The following STAM variants were observed in gnomAD, a reference collection of about 807,000 sequenced individuals.
STAM encodes signal transducing adaptor molecule, also known as signal transducing adapter molecule 1.
Under a neutral mutation model 63.4 loss-of-function variants are expected in STAM, and 16 were observed. That is an observed-to-expected ratio of 0.25 (90% CI 0.17 to 0.38). The LOEUF is 0.38. Among genes scored for constraint, STAM ranks in the 10% least tolerant of loss-of-function variants. STAM has a pLI of 1.00. For missense variants in STAM, 636 were observed against 657.1 expected, an observed-to-expected ratio of 0.97 and a Z score of 0.35; for synonymous variants, 238 against 223.9, an observed-to-expected ratio of 1.06 and a Z score of -0.56.
At chr10:17,710,765 A>C (rs782322580) in intron 13 of STAM, among the ~76,000 whole-genome samples, 2 of 152,240 alleles carry the variant, frequency 1.3e-5, no homozygotes, top group Non-Finnish European at 2.9e-5. Flanking sequence ...GGAACTCAGT[A>C]AATATTTTAT....
At chr10:17,691,916 C>T (rs1482477295) in intron 5 of STAM, among the ~76,000 whole-genome samples, 1 of 152,196 alleles carries the variant, frequency 6.6e-6, no homozygotes, top group Non-Finnish European at 1.5e-5. Context: ...AACTTTGCAT[C>T]TGTAGAGGTC....
At position 17,715,328 on chromosome 10, in the gene STAM, T is replaced by C. The variant is rs1589125560; in HGVS notation, c.*548T>C. 9.2e-5 allele frequency: 15 copies of C among 162,768 alleles called. No individual in the cohort carries two copies. In the South Asian group the frequency reaches 2.1e-3, roughly 23 times the overall value. 10.1% of individuals were successfully genotyped at this position (162,768 alleles called of 1,614,324 possible). ...AGCGTATTTACATGAAGGCGCATTA[T>C]GTTGTCGTGTGTTTCAGTTTCACAT... On this transcript the variant is annotated 3_prime_UTR_variant, in exon 14 of 14. Transcript: ENST00000377524.
intron 2 of STAM, among the ~76,000 whole-genome samples, chr10:17,665,422 A>T (rs1341492494): frequency 6.6e-6 from 1 of 152,134 alleles, no homozygotes; most frequent in African/African-American, 2.4e-5. Context: ...CCACTTACGT[A>T]AATTTTGTAT....
At chr10:17,683,493 T>G (rs1329496469) in intron 2 of STAM, among the ~76,000 whole-genome samples, 1 of 152,284 alleles carries the variant, frequency 6.6e-6, no homozygotes, top group Middle Eastern at 3.4e-3. Flanking sequence ...TTAAAAATAT[T>G]TGTAGTGGTG....
chr10:17,670,149 A>G (rs782755618), intron 2 of STAM, among the ~76,000 whole-genome samples: 40 of 152,188 alleles, frequency 2.6e-4, no homozygotes, highest in Admixed American at 1.3e-4. Context: ...ATAACAACAG[A>G]AGTCAAGTTG....
In STAM at chr10:17,648,947, T is replaced by G. The variant is rs139931071; in HGVS notation, c.40+4568T>G. Among the ~76,000 whole-genome samples, 1,337 of 152,314 alleles carry G rather than the reference T, an allele frequency of 8.8e-3. 8 individuals are homozygous for G. Among genetic ancestry groups the G allele is most frequent in the Non-Finnish European group, 0.016 (1,069 of 68,026 alleles). On this transcript the variant is annotated intron_variant, in intron 1 of 13. Transcript: ENST00000377524. Reference sequence around the variant, plus strand: ...TCTTGAATTCCAGGCTTCTTAAATCTGAACGCTCCAAGCTCATTCCTGCCT... The same window carrying G: ...TCTTGAATTCCAGGCTTCTTAAATCGGAACGCTCCAAGCTCATTCCTGCCT...
chr10:17,693,385 A>G, intron 6 of STAM, 73 bp downstream of exon 6: 1 of 1,283,230 alleles, frequency 7.8e-7, no homozygotes, highest in South Asian at 1.4e-5. Flanking sequence ...TAAAGGTAAA[A>G]TAAATAGAAC....
chr10:17,696,519 C>CT, intron 7 of STAM: 1 of 351,624 alleles, frequency 2.8e-6, no homozygotes, highest in Non-Finnish European at 5.1e-6. Context: ...ATTGGTGCCT[C>CT]TTTTTTTGGG....
intron 12 of STAM, among the ~76,000 whole-genome samples, chr10:17,707,972 G>C (rs1836373162): frequency 6.6e-6 from 1 of 151,766 alleles, no homozygotes; most frequent in Non-Finnish European, 1.5e-5. Flanking sequence ...CTCGCTGCCA[G>C]CTCCGCCTCC....
At chr10:17,679,757 T>C (rs1554825058) in intron 2 of STAM, among the ~76,000 whole-genome samples, 2 of 138,544 alleles carry the variant, frequency 1.4e-5, no homozygotes, top group African/African-American at 5.0e-5. Flanking sequence ...GTCAGTTTCT[T>C]TTCTTTTTTC....
chr10:17,714,642 C>T lies in STAM; in HGVS notation c.1485C>T (p.Val495=), dbSNP rs1554830564. Residue 495 remains valine, a synonymous_variant, in exon 14 of 14, where the codon GTC becomes GTT. Coordinates refer to ENST00000377524, the MANE Select transcript of STAM (RefSeq NM_003473.4). ...CTGCTGCTGCTGCAACTGCCGATGT[C>T]ACTCTGTACCAGAATGCAGGACCTA... ...AATAAAATAD[V]TLYQNAGPNM... The T allele has an allele frequency of 7.4e-6, 12 of 1,614,166 alleles. No individual in the cohort carries two copies. The highest frequency in any genetic ancestry group is 1.0e-5 in the Non-Finnish European group (12 of 1,180,040).
At chr10:17,669,778 A>C (rs1589048374) in intron 2 of STAM, among the ~76,000 whole-genome samples, 1 of 150,016 alleles carries the variant, frequency 6.7e-6, no homozygotes, top group African/African-American at 2.4e-5. Flanking sequence ...GCTCACCGCA[A>C]ATGCCGCCTC....
chr10:17,714,317 C>T (rs1836703156), intron 13 of STAM, among the ~76,000 whole-genome samples: 1 of 152,032 alleles, frequency 6.6e-6, no homozygotes, highest in South Asian at 2.1e-4. Flanking sequence ...AAACCACCCC[C>T]CCCAACTTTT....
chr10:17,715,756 TAC>T lies in STAM; in HGVS notation c.*979_*980del, dbSNP rs1205537934. ...TTTAAACTGGAAAGAAAACCTGAAT[TAC>T]ACTACATTTTCGAAGTCTCTTGTAA... On this transcript the variant is annotated 3_prime_UTR_variant, in exon 14 of 14. Coordinates refer to ENST00000377524, the MANE Select transcript of STAM (RefSeq NM_003473.4). The T allele has an allele frequency of 1.3e-5, 2 of 152,640 alleles. No homozygotes were observed. The highest frequency in any genetic ancestry group is 2.4e-5 in the African/African-American group (1 of 41,452). 9.5% of individuals were successfully genotyped at this position (152,640 alleles called of 1,614,324 possible). A position where few individuals can be genotyped will look rare whatever the true frequency, so the allele number is the denominator to read the frequency against.
chr10:17,676,547 T>C lies in STAM; in HGVS notation c.126-8128T>C, dbSNP rs533924199. On this transcript the variant is annotated intron_variant, in intron 2 of 13. Coordinates refer to ENST00000377524, the MANE Select transcript of STAM (RefSeq NM_003473.4). Reference sequence around the variant, plus strand: ...ATAGAAATACTGCCCCCTTTTCTTTTACCCTCTTACGAACTATATGACCCA... The same window carrying C: ...ATAGAAATACTGCCCCCTTTTCTTTCACCCTCTTACGAACTATATGACCCA... 1.8e-4 allele frequency among the ~76,000 whole-genome samples: 27 copies of C among 152,312 alleles called. No individual in the cohort carries two copies. In the South Asian group the frequency reaches 5.6e-3, roughly 32 times the overall value.
rs542712227 is a variant in STAM, at chr10:17,714,234, C to T, written c.1386-309C>T. ...TCTTACCAGTTAGAACCACTTGACACACGATACATGTGTTTGTTACCCTTT... is the reference window on the plus strand; with the variant it reads ...TCTTACCAGTTAGAACCACTTGACATACGATACATGTGTTTGTTACCCTTT... On this transcript the variant is annotated intron_variant, in intron 13 of 13. Coordinates refer to ENST00000377524, the MANE Select transcript of STAM (RefSeq NM_003473.4). Among the ~76,000 whole-genome samples the T allele has an allele frequency of 1.1e-4, 17 of 152,240 alleles. No homozygotes were observed. The South Asian group carries it at 3.1e-3, about 28-fold the overall frequency.
chr10:17,667,170 A>T (rs769352732), intron 2 of STAM, among the ~76,000 whole-genome samples: 1 of 150,490 alleles, frequency 6.6e-6, no homozygotes, highest in Non-Finnish European at 1.5e-5. Flanking sequence ...TTTGTTGCCC[A>T]GGCTGGAGTG....
intron 1 of STAM, among the ~76,000 whole-genome samples, chr10:17,659,463 C>CTTTTTTTTTTT (rs1223509007): frequency 2.0e-4 from 21 of 107,518 alleles, no homozygotes; most frequent in African/African-American, 6.9e-4. Flanking sequence ...TTCTCTTCCT[C>CTTTTTTTTTTT]TTTTTTTTTT....
intron 2 of STAM, among the ~76,000 whole-genome samples, chr10:17,678,027 A>C (rs1264400850): frequency 1.3e-5 from 2 of 152,202 alleles, no homozygotes; most frequent in South Asian, 4.1e-4. Context: ...TATACAATTC[A>C]GTGGGTTTTA....
Sources: allele counts gnomAD v4.1 joint callset (sites outside exome capture counted in the v4.1 genomes callset), GRCh38; gene constraint gnomAD v4.1.1; transcripts MANE v1.5; gene names NCBI Gene and HGNC (gene_info 2026-07-23, HGNC 2026-07-21).